Variants in MARCHF7 observed in about 807,000 individuals in gnomAD.
MARCHF7 encodes the protein membrane associated ring-CH-type finger 7.
MARCHF7 carries 20 observed loss-of-function variants against 76.5 expected under a neutral mutation model. That is an observed-to-expected ratio of 0.26 (90% CI 0.18 to 0.38). The LOEUF (loss-of-function observed/expected upper bound fraction) is 0.38. MARCHF7 is among the 10% of genes least tolerant of loss of function. The probability of loss-of-function intolerance (pLI) is 1.00; values close to 1 mark genes in which losing one functional copy is unlikely to be tolerated. For synonymous variants in MARCHF7, 295 were observed against 293.0 expected, an observed-to-expected ratio of 1.01 and a Z score of -0.07; for missense variants, 797 against 812.9, an observed-to-expected ratio of 0.98 and a Z score of 0.24.
rs549815223 is a variant in MARCHF7, at chr2:159,735,103, A to T, written c.153+5928A>T. 2.6e-5 allele frequency among the ~76,000 whole-genome samples: 4 copies of T among 152,362 alleles called. No individual in the cohort carries two copies. In the South Asian group the frequency reaches 8.3e-4, roughly 32 times the overall value. ...TGTGGAGATGGGTACTCTCCATCAC[A>T]TGAATATTTCAAACAAGGGAGAGCT... On this transcript the variant is annotated intron_variant, in intron 4 of 11. Coordinates refer to ENST00000409175, the MANE Select transcript of MARCHF7 (RefSeq NM_001282805.2).
At chr2:159,721,078 G>T (rs1178427669) in intron 3 of MARCHF7, among the ~76,000 whole-genome samples, 1 of 151,500 alleles carries the variant, frequency 6.6e-6, no homozygotes, top group East Asian at 1.9e-4. Context: ...TGTTGGCCAG[G>T]CTGGTCTTGA....
rs959844250 is a variant in MARCHF7, at chr2:159,767,828, G to C, written c.*486G>C. ...TCATTTTGATAATCATTTGCTTCCAGTGTTTAAAAATTAAAAAAAGAATGG... is the reference window on the plus strand; with the variant it reads ...TCATTTTGATAATCATTTGCTTCCACTGTTTAAAAATTAAAAAAAGAATGG... On this transcript the variant is annotated 3_prime_UTR_variant, in exon 12 of 12. Transcript: ENST00000409175. 6.6e-6 allele frequency: 1 copy of C among 152,248 alleles called. No individual in the cohort carries two copies. The highest frequency in any genetic ancestry group is 1.5e-5 in the Non-Finnish European group (1 of 67,912). 9.4% of individuals were successfully genotyped at this position (152,248 alleles called of 1,614,324 possible).
At chr2:159,762,788 A>G in intron 9 of MARCHF7, 92 bp from the exon 10 acceptor site, 1 of 577,248 alleles carries the variant, frequency 1.7e-6, no homozygotes, top group East Asian at 3.0e-5. Flanking sequence ...CATTTCCTCT[A>G]GTTTATCAGT....
In MARCHF7 at chr2:159,769,767, A is replaced by G. The variant is rs1574479078; in HGVS notation, c.*2425A>G. 6.6e-6 allele frequency: 1 copy of G among 152,214 alleles called. No homozygotes were observed. The highest frequency in any genetic ancestry group is 1.5e-5 in the Non-Finnish European group (1 of 68,030). 9.4% of individuals were successfully genotyped at this position (152,214 alleles called of 1,614,324 possible). A position where few individuals can be genotyped will look rare whatever the true frequency, so the allele number is the denominator to read the frequency against. ...TTGGAAGAGCTGCCATTAGGTAGAAAGTATCAAAATGTACAAAAGAAAGTT... is the reference window on the plus strand; with the variant it reads ...TTGGAAGAGCTGCCATTAGGTAGAAGGTATCAAAATGTACAAAAGAAAGTT... On this transcript the variant is annotated 3_prime_UTR_variant, in exon 12 of 12. Transcript: ENST00000409175.
At chr2:159,733,201 T>C in intron 4 of MARCHF7, 3 of 850,522 alleles carry the variant, frequency 3.5e-6, no homozygotes, top group Non-Finnish European at 2.8e-6. Flanking sequence ...TAGTTTTATT[T>C]AGCATTGTTA....
intron 9 of MARCHF7, among the ~76,000 whole-genome samples, chr2:159,762,035 C>G (rs1334874762): frequency 6.6e-6 from 1 of 152,136 alleles, no homozygotes; most frequent in African/African-American, 2.4e-5. Context: ...ACGCCACTTG[C>G]TTTGGGGCCT....
chr2:159,738,718 G>T (rs1703762300), intron 4 of MARCHF7, among the ~76,000 whole-genome samples: 1 of 152,200 alleles, frequency 6.6e-6, no homozygotes. Flanking sequence ...TGGTCCATGG[G>T]AGGCAATGGG....
At chr2:159,765,115 T>C (rs748994006) in intron 11 of MARCHF7, among the ~76,000 whole-genome samples, 18 of 152,156 alleles carry the variant, frequency 1.2e-4, no homozygotes, top group African/African-American at 3.1e-4. Context: ...CAGGAAAATA[T>C]GGGACAAGGA....
chr2:159,764,796 C>A (rs1707563173), intron 11 of MARCHF7, 122 bp downstream of exon 11: 4 of 531,926 alleles, frequency 7.5e-6, no homozygotes, highest in Non-Finnish European at 1.3e-5. Flanking sequence ...TTAGTAATAC[C>A]AAAATGATTG....
At chr2:159,745,256 T>TA (rs1259348810) in intron 5 of MARCHF7, among the ~76,000 whole-genome samples, 2 of 152,196 alleles carry the variant, frequency 1.3e-5, no homozygotes, top group African/African-American at 4.8e-5. Flanking sequence ...AGAATATGTT[T>TA]AGAGTAGGAA....
Position 159,767,485 on chromosome 2 carries a change from G to C in MARCHF7, c.*143G>C. 2.0e-6 allele frequency: 1 copy of C among 509,418 alleles called. No homozygotes were observed. 31.6% of individuals were successfully genotyped at this position (509,418 alleles called of 1,614,324 possible). On this transcript the variant is annotated 3_prime_UTR_variant, in exon 12 of 12. Transcript: ENST00000409175. ...AATATATACATACACATGTATGCCT[G>C]TATATATATATTCATTCTCCAGTGT...
At chr2:159,729,672 C>CAA (rs36092079) in intron 4 of MARCHF7, among the ~76,000 whole-genome samples, 69 of 137,700 alleles carry the variant, frequency 5.0e-4, no homozygotes, top group East Asian at 1.9e-3. Flanking sequence ...GACTCCATCT[C>CAA]AAAAAAAAAA....
chr2:159,720,802 A>G (rs1419761047), intron 3 of MARCHF7, among the ~76,000 whole-genome samples: 1 of 152,222 alleles, frequency 6.6e-6, no homozygotes, highest in Non-Finnish European at 1.5e-5. Flanking sequence ...AGCAGGCAAC[A>G]TTAACCTGGG....
In MARCHF7 at chr2:159,748,212, T is replaced by A. The variant is rs1427389269; in HGVS notation, c.922T>A (p.Ser308Thr). The A allele has an allele frequency of 1.2e-6, 2 of 1,613,954 alleles. No homozygotes were observed. The highest frequency in any genetic ancestry group is 2.7e-5 in the African/African-American group (2 of 74,924). The change falls in exon 7 of 12, where the codon TCA (serine) becomes ACA (threonine). Residue 308 changes from serine to threonine, a missense_variant. Ser to Thr is a moderately conservative substitution (Grantham distance 58). Transcript: ENST00000409175. ...TAGTCAGGATTCCTTGAATACAAGA[T>A]CATTGAATTCTGAAAATTCTTACGT... Reference protein sequence around the residue: ...RSSQDSLNTRSLNSENSYVSP... With the variant: ...RSSQDSLNTRTLNSENSYVSP...
At chr2:159,757,256 A>G (rs1198129223) in intron 8 of MARCHF7, among the ~76,000 whole-genome samples, 3 of 152,186 alleles carry the variant, frequency 2.0e-5, no homozygotes, top group Non-Finnish European at 4.4e-5. Flanking sequence ...AATTGAATGT[A>G]TAGGTCTCAG....
chr2:159,725,353 T>C (rs1360847655), intron 3 of MARCHF7, among the ~76,000 whole-genome samples: 1 of 152,214 alleles, frequency 6.6e-6, no homozygotes, highest in African/African-American at 2.4e-5. Context: ...TGTTGTTTCC[T>C]GACTTTTTAA....
At chr2:159,722,607 CA>C (rs1353969658) in intron 3 of MARCHF7, among the ~76,000 whole-genome samples, 1 of 152,110 alleles carries the variant, frequency 6.6e-6, no homozygotes, top group African/African-American at 2.4e-5. Flanking sequence ...CATGAGTATC[CA>C]AAAAACTTGG....
Position 159,744,011 on chromosome 2 carries a change from G to A in MARCHF7, c.346+758G>A, listed in dbSNP as rs1236850970. Reference sequence around the variant, plus strand: ...TTTTTTTTTTTTTTTTTTTGGAGACGGAGTCTCGCTCTGTCGCCCAGGCTG... The same window carrying A: ...TTTTTTTTTTTTTTTTTTTGGAGACAGAGTCTCGCTCTGTCGCCCAGGCTG... On this transcript the variant is annotated intron_variant, in intron 5 of 11. Coordinates refer to ENST00000409175, the MANE Select transcript of MARCHF7 (RefSeq NM_001282805.2). Among the ~76,000 whole-genome samples, 8 of 82,398 alleles carry A rather than the reference G, an allele frequency of 9.7e-5. No homozygotes were observed. In the South Asian group the frequency reaches 1.1e-3, roughly 11 times the overall value. The allele number at this position is 82,398 out of a possible 152,430, so 54.1% of individuals were successfully genotyped here. A position where few individuals can be genotyped will look rare whatever the true frequency, so the allele number is the denominator to read the frequency against.
chr2:159,766,990 T>A (rs965982014), intron 11 of MARCHF7, among the ~76,000 whole-genome samples: 2 of 151,986 alleles, frequency 1.3e-5, no homozygotes, highest in Admixed American at 6.5e-5. Flanking sequence ...TGAACACAGA[T>A]TGATCTCAGA....
Sources: gnomAD v4.1 joint callset for allele counts (sites outside exome capture counted in the v4.1 genomes callset) on GRCh38, gnomAD v4.1.1 for gene constraint, MANE v1.5 for transcripts, NCBI Gene and HGNC (gene_info 2026-07-23, HGNC 2026-07-21) for gene names.